Variants in SSC4D observed in about 807,000 individuals in gnomAD.
SSC4D encodes scavenger receptor cysteine rich family member with 4 domains.
In SSC4D, 57 loss-of-function variants were observed where a neutral mutation model predicts 63.4. The ratio of observed to expected loss-of-function variants is 0.90; its 90% confidence interval spans 0.73 to 1.12. SSC4D has a LOEUF of 1.12. SSC4D is among the 50% of genes most tolerant of loss of function. SSC4D has a pLI of 0.00. For synonymous variants in SSC4D, 352 were observed against 345.4 expected (o/e 1.02, Z -0.21); for missense variants, 791 against 806.4 (o/e 0.98, Z 0.23).
chr7:76,397,918 T>A (rs6963070), intron 5 of SSC4D, 86 bp from the exon 6 acceptor site: 1 of 1,344,552 alleles, frequency 7.4e-7, no homozygotes, highest in Middle Eastern at 2.3e-4. Context: ...TGTCCCAGGA[T>A]CTACAACCCT....
At chr7:76,393,258 C>G in intron 9 of SSC4D, 147 bp downstream of exon 9, 1 of 825,318 alleles carries the variant, frequency 1.2e-6, no homozygotes, top group Non-Finnish European at 1.6e-6. Flanking sequence ...AGAGCGGGCG[C>G]ACGGCGGGGC....
intron 10 of SSC4D, among the ~76,000 whole-genome samples, chr7:76,391,324 C>T (rs1344700827): frequency 6.6e-6 from 1 of 151,560 alleles, no homozygotes; most frequent in East Asian, 1.9e-4. Context: ...GTCTATAATC[C>T]CACTTACTGG....
At chr7:76,399,056 G>A (rs1804730989) in intron 4 of SSC4D, among the ~76,000 whole-genome samples, 1 of 152,110 alleles carries the variant, frequency 6.6e-6, no homozygotes, top group African/African-American at 2.4e-5. Flanking sequence ...CTGTCGCTCA[G>A]GCTGGAGTGC....
intron 7 of SSC4D, among the ~76,000 whole-genome samples, chr7:76,394,770 A>AT (rs1563680944): frequency 4.2e-5 from 6 of 142,040 alleles, no homozygotes; most frequent in Non-Finnish European, 9.1e-5. Flanking sequence ...TATATATATA[A>AT]AATATGTATA....
In SSC4D at chr7:76,393,721, G is replaced by A. The variant is rs1804559491; in HGVS notation, c.1022-5C>T. 3 of 1,390,042 alleles carry A rather than the reference G, an allele frequency of 2.2e-6. No homozygotes were observed. The highest frequency in any genetic ancestry group is 1.9e-6 in the Non-Finnish European group (2 of 1,078,348). The allele number at this position is 1,390,042 out of a possible 1,614,324, so 86.1% of individuals were successfully genotyped here. Reference sequence around the variant, plus strand: ...CCACCAGTCGCAGCCGTCCACCTGCGGGGCGCACAGGCCCGCGGCCAGAGG... The same window carrying A: ...CCACCAGTCGCAGCCGTCCACCTGCAGGGCGCACAGGCCCGCGGCCAGAGG... On this transcript the variant is annotated splice_region_variant and splice_polypyrimidine_tract_variant and intron_variant, in intron 8 of 10. Transcript: ENST00000275560.
At chr7:76,395,585 A>T (rs1482570082) in intron 6 of SSC4D, among the ~76,000 whole-genome samples, 2 of 152,150 alleles carry the variant, frequency 1.3e-5, no homozygotes, top group African/African-American at 4.8e-5. Flanking sequence ...ATTTCTCTCT[A>T]ATGTCCCATG....
At chr7:76,390,443 T>C (rs956476512) in intron 10 of SSC4D, 68 bp from the exon 11 acceptor site, 57 of 1,459,414 alleles carry the variant, frequency 3.9e-5, no homozygotes, top group African/African-American at 1.1e-4. Flanking sequence ...CTAGGTCAGG[T>C]TGGCAGTAAA....
At chr7:76,408,692 C>T (rs1027577157) in intron 1 of SSC4D, among the ~76,000 whole-genome samples, 8 of 152,176 alleles carry the variant, frequency 5.3e-5, no homozygotes, top group Admixed American at 3.9e-4. Context: ...AAGCCTGCCT[C>T]CTACCCTCCC....
intron 2 of SSC4D, among the ~76,000 whole-genome samples, chr7:76,402,758 C>T (rs866673652): frequency 6.6e-6 from 1 of 152,236 alleles, no homozygotes; most frequent in Non-Finnish European, 1.5e-5. Context: ...CAACCTCCCC[C>T]TCCTGGGTTC....
At chr7:76,408,678 T>C (rs1805125878) in intron 1 of SSC4D, among the ~76,000 whole-genome samples, 1 of 152,150 alleles carries the variant, frequency 6.6e-6, no homozygotes, top group Non-Finnish European at 1.5e-5. Context: ...CAGAGCCCTC[T>C]GCCAAGCCTG....
chr7:76,395,162 C>T (rs1229192073), intron 7 of SSC4D, 91 bp downstream of exon 7: 24 of 1,474,690 alleles, frequency 1.6e-5, no homozygotes, highest in Middle Eastern at 4.6e-4. Flanking sequence ...TTAGCCAGGG[C>T]CCCCGCCTGT....
Position 76,400,527 on chromosome 7 carries a change from G to A in SSC4D, c.234C>T (p.Ser78=), listed in dbSNP as rs2115781778. 6.3e-7 allele frequency: 1 copy of A among 1,574,806 alleles called. No homozygotes were observed. Among genetic ancestry groups the A allele is most frequent in the South Asian group, 1.1e-5 (1 of 87,410 alleles). Residue 78 remains serine (S), a synonymous_variant, in exon 4 of 11, where the codon TCC becomes TCT. Transcript: ENST00000275560. ...RGRLEVMHGG[S]WGSVCDDDWD... is the part of the protein sequence containing the mutation. ...AGTCGTCATCACAGACGCTGCCCCA[G>A]GAGCCACCGTGCATGACTTCCAGGC...
At chr7:76,404,624 C>A in intron 1 of SSC4D, 119 bp from the exon 2 acceptor site, 1 of 787,836 alleles carries the variant, frequency 1.3e-6, no homozygotes, top group Non-Finnish European at 2.0e-6. Flanking sequence ...AGACCCCCAT[C>A]TCTACAAAAA....
chr7:76,395,201 G>A, intron 7 of SSC4D, 52 bp downstream of exon 7: 1 of 1,599,496 alleles, frequency 6.3e-7, no homozygotes, highest in Non-Finnish European at 8.6e-7. Context: ...CCAGTTCCCA[G>A]CCGCACCCAC....
At chr7:76,394,399 G>A (rs921064138) in intron 7 of SSC4D, among the ~76,000 whole-genome samples, 2 of 145,422 alleles carry the variant, frequency 1.4e-5, no homozygotes, top group Non-Finnish European at 3.0e-5. Context: ...GACCCACCAT[G>A]CCCAGCTAAT....
At position 76,404,478 on chromosome 7, in the gene SSC4D, C is replaced by A; in HGVS notation, c.-39G>T. On this transcript the variant is annotated 5_prime_UTR_variant, in exon 2 of 11. Transcript: ENST00000275560. ...GGTGTTTCAGATGCTCCCATCAAGGCGCCAGGGAGAAGTCACAGTTGGAAC... is the reference window on the plus strand; with the variant it reads ...GGTGTTTCAGATGCTCCCATCAAGGAGCCAGGGAGAAGTCACAGTTGGAAC... 1 of 1,613,596 alleles carries A rather than the reference C, an allele frequency of 6.2e-7. No homozygotes were observed. The highest frequency in any genetic ancestry group is 8.5e-7 in the Non-Finnish European group (1 of 1,179,954).
intron 10 of SSC4D, among the ~76,000 whole-genome samples, chr7:76,391,599 C>T (rs916024610): frequency 3.9e-5 from 6 of 152,028 alleles, no homozygotes; most frequent in African/African-American, 7.2e-5. Flanking sequence ...AGCCCCAGGC[C>T]GGCTGTTTGG....
chr7:76,395,161 G>A (rs987887017), intron 7 of SSC4D, 92 bp downstream of exon 7: 2 of 1,467,514 alleles, frequency 1.4e-6, no homozygotes, highest in African/African-American at 2.8e-5. Context: ...GTTAGCCAGG[G>A]CCCCCGCCTG....
At chr7:76,405,319 A>ATTTTTTTTTTTTT (rs1563687040) in intron 1 of SSC4D, among the ~76,000 whole-genome samples, 1 of 18,318 alleles carries the variant, frequency 5.5e-5, no homozygotes, top group Non-Finnish European at 9.1e-5. Context: ...ATATATATGT[A>ATTTTTTTTTTTTT]TTTTTTTCTT....
Sources: gnomAD v4.1 joint callset for allele counts (sites outside exome capture counted in the v4.1 genomes callset) on GRCh38, gnomAD v4.1.1 for gene constraint, MANE v1.5 for transcripts, NCBI Gene and HGNC (gene_info 2026-07-23, HGNC 2026-07-21) for gene names.